Variants in NAV2 observed in about 807,000 individuals in gnomAD.
NAV2 encodes neuron navigator 2, also known as helicase, APC down-regulated 1.
Under a neutral mutation model 223.2 loss-of-function variants are expected in NAV2, and 54 were observed. The observed-to-expected ratio is 0.24, with a 90% CI of 0.19 to 0.30. NAV2 has a LOEUF of 0.30. Ranked by LOEUF, NAV2 falls within the 10% of genes least tolerant of loss-of-function variation. The pLI, the probability that NAV2 is intolerant of heterozygous loss-of-function variation, is 1.00. For missense variants in NAV2, 2,806 were observed against 3,147.5 expected, an observed-to-expected ratio of 0.89 and a Z score of 2.60; for synonymous variants, 1,279 against 1,239.3, an observed-to-expected ratio of 1.03 and a Z score of -0.67.
At chr11:19,666,244 A>G (rs979417309) in intron 1 of NAV2, among the ~76,000 whole-genome samples, 1 of 152,212 alleles carries the variant, frequency 6.6e-6, no homozygotes. Context: ...CACCGGCCAG[A>G]CCAACCAGGA....
At chr11:19,636,309 G>T (rs185241470) in intron 1 of NAV2, among the ~76,000 whole-genome samples, 1 of 152,080 alleles carries the variant, frequency 6.6e-6, no homozygotes, top group South Asian at 2.1e-4. Context: ...CCTACAAAGC[G>T]GCTCTTGGTC....
chr11:19,439,576 C>T (rs1364393315), intron 1 of NAV2, among the ~76,000 whole-genome samples: 6 of 152,158 alleles, frequency 3.9e-5, no homozygotes, highest in Admixed American at 1.3e-4. Flanking sequence ...AGAGAGGTTG[C>T]GAGCTGTGGA....
At chr11:19,415,051 CA>C (rs890830492) in intron 1 of NAV2, among the ~76,000 whole-genome samples, 9 of 151,698 alleles carry the variant, frequency 5.9e-5, no homozygotes, top group Non-Finnish European at 1.3e-4. Context: ...GAAACAAGAG[CA>C]AAAAAATTCA....
intron 1 of NAV2, among the ~76,000 whole-genome samples, chr11:19,449,546 C>T (rs1485537272): frequency 6.6e-6 from 1 of 151,580 alleles, no homozygotes; most frequent in Non-Finnish European, 1.5e-5. Context: ...CAGGGACCGC[C>T]ACCTCCCAGG....
At chr11:19,483,302 C>A (rs751246113) in intron 1 of NAV2, among the ~76,000 whole-genome samples, 16 of 152,208 alleles carry the variant, frequency 1.1e-4, no homozygotes, top group Non-Finnish European at 1.6e-4. Flanking sequence ...CTGCCCAGAA[C>A]ATGAATCCTC....
chr11:19,476,473 G>GT (rs1158420631), intron 1 of NAV2, among the ~76,000 whole-genome samples: 3 of 151,974 alleles, frequency 2.0e-5, no homozygotes, highest in Non-Finnish European at 4.4e-5. Context: ...CCTGATTTCA[G>GT]TTTTTTACCA....
At chr11:19,709,494 C>A (rs1331222649), upstream of NAV2, among the ~76,000 whole-genome samples, 1 of 139,566 alleles carries the variant, frequency 7.2e-6, no homozygotes, top group African/African-American at 2.7e-5. Flanking sequence ...GGGTAGTGAG[C>A]CAATATCGTG....
intron 1 of NAV2, among the ~76,000 whole-genome samples, chr11:19,397,229 AG>A (rs1455335835): frequency 8.5e-5 from 13 of 152,200 alleles, no homozygotes; most frequent in African/African-American, 2.9e-4. Flanking sequence ...GGCTATGGGT[AG>A]GCATTTTCCT....
At chr11:19,808,384 G>A (rs764120363) in intron 1 of NAV2, among the ~76,000 whole-genome samples, 10 of 152,166 alleles carry the variant, frequency 6.6e-5, no homozygotes, top group African/African-American at 1.2e-4. Flanking sequence ...GCACAAAAGC[G>A]GGGTCACAAG....
intron 1 of NAV2, among the ~76,000 whole-genome samples, chr11:19,599,676 T>C (rs1242322488): frequency 6.6e-6 from 1 of 152,218 alleles, no homozygotes; most frequent in African/African-American, 2.4e-5. Flanking sequence ...CAAGGAATGC[T>C]TCTGTAATCT....
At chr11:19,842,989 A>C in intron 3 of NAV2, 66 bp downstream of exon 3, 3 of 1,358,200 alleles carry the variant, frequency 2.2e-6, no homozygotes, top group Non-Finnish European at 3.2e-6. Flanking sequence ...AGTGATATTG[A>C]CCATCTTGAA....
At chr11:20,044,702 CT>C (rs1487101408) in intron 13 of NAV2, among the ~76,000 whole-genome samples, 3 of 152,176 alleles carry the variant, frequency 2.0e-5, no homozygotes, top group Admixed American at 6.5e-5. Context: ...GCAGGGGGTT[CT>C]TTCCCCCCAG....
At chr11:20,063,652 G>A (rs2058851689) in intron 20 of NAV2, among the ~76,000 whole-genome samples, 1 of 152,126 alleles carries the variant, frequency 6.6e-6, no homozygotes, top group South Asian at 2.1e-4. Context: ...TGGGATTACA[G>A]GCGTGAGCCA....
intron 10 of NAV2, among the ~76,000 whole-genome samples, chr11:19,959,102 T>C (rs1337494307): frequency 6.6e-6 from 1 of 152,204 alleles, no homozygotes; most frequent in Admixed American, 6.5e-5. Flanking sequence ...CTGATGTCTG[T>C]CCTCAGCATC....
chr11:19,960,146 G>A (rs10741805), intron 10 of NAV2, among the ~76,000 whole-genome samples: 145,049 of 152,262 alleles, frequency 0.95, 69,540 homozygotes, highest in East Asian at 1. Context: ...AGGAGGAGTC[G>A]GTTATTTGTT....
At chr11:20,051,913 C>A (rs536613495) in intron 17 of NAV2, among the ~76,000 whole-genome samples, 1 of 152,148 alleles carries the variant, frequency 6.6e-6, no homozygotes, top group Non-Finnish European at 1.5e-5. Context: ...AGAAAAGACT[C>A]CCAGGAAGGA....
At chr11:19,473,242 C>T (rs1316481751) in intron 1 of NAV2, among the ~76,000 whole-genome samples, 1 of 152,084 alleles carries the variant, frequency 6.6e-6, no homozygotes, top group East Asian at 1.9e-4. Context: ...TCTGATCAAA[C>T]CCTTATCTGC....
At chr11:19,476,370 C>CT (rs541091653) in intron 1 of NAV2, among the ~76,000 whole-genome samples, 10 of 150,266 alleles carry the variant, frequency 6.7e-5, no homozygotes, top group Admixed American at 1.3e-4. Context: ...CATCAAGAGA[C>CT]TTTTTTTTTT....
chr11:19,354,342 T>TTGAA (rs1853493109), intron 1 of NAV2, among the ~76,000 whole-genome samples: 1 of 152,262 alleles, frequency 6.6e-6, no homozygotes, highest in Non-Finnish European at 1.5e-5. Flanking sequence ...TACGGAGCAC[T>TTGAA]TGAAATGTTA....
Sources: allele counts gnomAD v4.1 joint callset (sites outside exome capture counted in the v4.1 genomes callset), GRCh38; gene constraint gnomAD v4.1.1; transcripts MANE v1.5; gene names NCBI Gene and HGNC (gene_info 2026-07-23, HGNC 2026-07-21).